Variants in CCDC73 observed in about 807,000 individuals in gnomAD.
CCDC73 encodes the protein coiled-coil domain containing 73.
Under a neutral mutation model 116.5 loss-of-function variants are expected in CCDC73, and 95 were observed. The ratio of observed to expected loss-of-function variants is 0.82; its 90% CI spans 0.69 to 0.97. The LOEUF is 0.97. CCDC73 is among the 50% of genes least tolerant of loss of function. The probability of loss-of-function intolerance (pLI) is 0.00; values close to 1 mark genes in which losing one functional copy is unlikely to be tolerated. For synonymous variants in CCDC73, 398 were observed against 401.3 expected, an observed-to-expected ratio of 0.99 and a Z score of 0.10; for missense variants, 1,066 against 1,206.8, an observed-to-expected ratio of 0.88 and a Z score of 1.73.
chr11:32,640,365 G>A (rs1855721738), intron 13 of CCDC73, among the ~76,000 whole-genome samples: 1 of 152,056 alleles, frequency 6.6e-6, no homozygotes, highest in Non-Finnish European at 1.5e-5. Flanking sequence ...TAGTCTCAGA[G>A]AAAATGAATG....
intron 7 of CCDC73, 112 bp downstream of exon 7, chr11:32,683,424 C>A: frequency 1.4e-6 from 1 of 721,460 alleles, no homozygotes. Flanking sequence ...CAGTAATATT[C>A]AGTTTCAACA....
At chr11:32,667,419 G>A (rs1760314692) in intron 9 of CCDC73, among the ~76,000 whole-genome samples, 1 of 152,222 alleles carries the variant, frequency 6.6e-6, no homozygotes, top group Non-Finnish European at 1.5e-5. Flanking sequence ...AGACTGCTGT[G>A]CTAGCAGTGA....
chr11:32,793,129 T>G (rs1368729448), intron 1 of CCDC73, among the ~76,000 whole-genome samples: 1 of 152,186 alleles, frequency 6.6e-6, no homozygotes, highest in African/African-American at 2.4e-5. Flanking sequence ...TATGAAGCCG[T>G]ATGGAAATTA....
chr11:32,798,105 C>A (rs113122198), upstream of CCDC73, among the ~76,000 whole-genome samples: 1,577 of 152,302 alleles, frequency 0.01, 26 homozygotes, highest in African/African-American at 0.036. Context: ...GGGTCTCTAA[C>A]CCAACATATC....
intron 2 of CCDC73, among the ~76,000 whole-genome samples, chr11:32,755,394 C>A (rs576659535): frequency 6.8e-6 from 1 of 146,382 alleles, no homozygotes; most frequent in Admixed American, 6.8e-5. Context: ...ATTAGCAGGG[C>A]GTGGTGGTGC....
In CCDC73 at chr11:32,614,074, CAT is replaced by C. The variant is rs1215025077; in HGVS notation, c.2242_2243del (p.Met748ValfsTer2). 6.2e-7 allele frequency: 1 copy of C among 1,613,294 alleles called. No homozygotes were observed. Among genetic ancestry groups the C allele is most frequent in the Admixed American group, 1.7e-5 (1 of 60,016 alleles). On this transcript the variant is annotated frameshift_variant, in exon 16 of 18. Transcript: ENST00000335185. LOFTEE classifies it high-confidence loss of function. ...TTTGCATATCACTCATATTTTTACACATAGTTTTTCCCCCAGGGCTTGAGTTA... is the reference window on the plus strand; with the variant it reads ...TTTGCATATCACTCATATTTTTACACAGTTTTTCCCCCAGGGCTTGAGTTA... ...KPNSSPGGKTMCKNMSDMQNS... is the reference protein window; with the variant it reads ...KPNSSPGGKTXCKNMSDMQNS...
chr11:32,738,113 C>T (rs924680081), intron 2 of CCDC73, among the ~76,000 whole-genome samples: 4 of 152,144 alleles, frequency 2.6e-5, no homozygotes, highest in East Asian at 3.8e-4. Context: ...TTTACAGACA[C>T]TTAGGTTGCT....
chr11:32,662,037 G>C (rs1177202870), intron 9 of CCDC73, among the ~76,000 whole-genome samples: 1 of 152,184 alleles, frequency 6.6e-6, no homozygotes, highest in Non-Finnish European at 1.5e-5. Context: ...TGGCTACATA[G>C]TATTCCATGG....
At chr11:32,698,316 G>A (rs1365242117) in intron 6 of CCDC73, among the ~76,000 whole-genome samples, 7 of 152,010 alleles carry the variant, frequency 4.6e-5, no homozygotes, top group African/African-American at 1.4e-4. Flanking sequence ...GAGCCACCAC[G>A]CCCAGCCAAC....
intron 12 of CCDC73, among the ~76,000 whole-genome samples, chr11:32,644,136 C>T (rs929225375): frequency 6.6e-6 from 1 of 152,050 alleles, no homozygotes; most frequent in African/African-American, 2.4e-5. Flanking sequence ...ACATATACAC[C>T]ATGGAATACT....
upstream of CCDC73, among the ~76,000 whole-genome samples, chr11:32,798,890 T>C (rs1038693066): frequency 5.6e-5 from 8 of 142,362 alleles, no homozygotes. Flanking sequence ...GTTTGGTTTT[T>C]GCGTTTTTGT....
At chr11:32,808,508 A>G in the CCDC73 span, among the ~76,000 whole-genome samples, 1 of 152,172 alleles carries the variant, frequency 6.6e-6, no homozygotes, top group Non-Finnish European at 1.5e-5. Flanking sequence ...GCGTGGTGGC[A>G]TGTGCCTGTA....
At position 32,766,557 on chromosome 11, in the gene CCDC73, C is replaced by T. The variant is rs533020465; in HGVS notation, c.-15-6299G>A. Reference sequence around the variant, plus strand: ...ATGACATGATTGTATATTTAGAAAACCCCATCGTCTCAGCCCAAAATCTCC... The same window carrying T: ...ATGACATGATTGTATATTTAGAAAATCCCATCGTCTCAGCCCAAAATCTCC... On this transcript the variant is annotated intron_variant, in intron 1 of 17. Coordinates refer to ENST00000335185, the MANE Select transcript of CCDC73 (RefSeq NM_001008391.4). Among the ~76,000 whole-genome samples the T allele has an allele frequency of 7.2e-3, 1,099 of 152,296 alleles. 17 individuals are homozygous for T. Among genetic ancestry groups the T allele is most frequent in the African/African-American group, 0.025 (1,058 of 41,554 alleles).
chr11:32,767,778 T>C (rs1198278952), intron 1 of CCDC73, among the ~76,000 whole-genome samples: 4 of 152,184 alleles, frequency 2.6e-5, no homozygotes, highest in African/African-American at 7.2e-5. Flanking sequence ...TGAGATACCA[T>C]CTCACTCCAG....
intron 3 of CCDC73, among the ~76,000 whole-genome samples, chr11:32,707,414 G>A (rs1175627866): frequency 6.7e-6 from 1 of 148,914 alleles, no homozygotes; most frequent in Non-Finnish European, 1.5e-5. Flanking sequence ...CTATAGATAC[G>A]TGTTGTGCTT....
intron 2 of CCDC73, among the ~76,000 whole-genome samples, chr11:32,744,900 C>CA (rs1850221039): frequency 1.3e-5 from 2 of 151,968 alleles, no homozygotes; most frequent in African/African-American, 2.4e-5. Context: ...GTATCTCTAT[C>CA]TCCTTCAGTT....
At chr11:32,682,340 GCTT>G (rs1177989324) in intron 7 of CCDC73, 1 of 151,736 alleles carries the variant, frequency 6.6e-6, no homozygotes. Context: ...TAGTTTTTCA[GCTT>G]CTTAATTAAA....
At chr11:32,624,166 T>C (rs1056773122) in intron 14 of CCDC73, among the ~76,000 whole-genome samples, 5 of 135,346 alleles carry the variant, frequency 3.7e-5, no homozygotes, top group South Asian at 2.3e-4. Context: ...ACCCCATATC[T>C]ACTAAAATAC....
At chr11:32,722,457 C>T (rs1849998214) in intron 2 of CCDC73, among the ~76,000 whole-genome samples, 1 of 152,098 alleles carries the variant, frequency 6.6e-6, no homozygotes, top group African/African-American at 2.4e-5. Context: ...GACTCACAGT[C>T]ATGAGAGGTG....
Sources: allele counts gnomAD v4.1 joint callset (sites outside exome capture counted in the v4.1 genomes callset), GRCh38; gene constraint gnomAD v4.1.1; transcripts MANE v1.5; gene names NCBI Gene and HGNC (gene_info 2026-07-23, HGNC 2026-07-21).